The following SFSWAP variants were observed in gnomAD, a reference collection of about 807,000 sequenced individuals.
SFSWAP encodes splicing factor, suppressor of white-apricot homolog.
Under a neutral mutation model 100.7 loss-of-function variants are expected in SFSWAP, and 17 were observed. The ratio of observed to expected loss-of-function variants is 0.17; its 90% CI spans 0.12 to 0.25. The LOEUF is 0.25. SFSWAP is among the 10% of genes least tolerant of loss of function. The pLI is 1.00. For synonymous variants in SFSWAP, 504 were observed against 510.1 expected, an observed-to-expected ratio of 0.99 and a Z score of 0.16; for missense variants, 1,005 against 1,262.6, an observed-to-expected ratio of 0.80 and a Z score of 3.09.
intron 14 of SFSWAP, among the ~76,000 whole-genome samples, chr12:131,779,262 AGTGTGTGTGAAGAGG>A (rs1566051633): frequency 2.0e-4 from 30 of 148,112 alleles, no homozygotes; most frequent in Middle Eastern, 3.6e-3. Context: ...GGCGCGGGTG[AGTGTGTGTGAAGAGG>A]GCGGCGCGGG....
At chr12:131,798,016 T>G (rs1001882316) in intron 16 of SFSWAP, among the ~76,000 whole-genome samples, 2 of 152,228 alleles carry the variant, frequency 1.3e-5, no homozygotes, top group Admixed American at 1.3e-4. Flanking sequence ...TGAGATGGAT[T>G]AGAATCTAAG....
chr12:131,787,205 C>A (rs1884957156), intron 15 of SFSWAP, among the ~76,000 whole-genome samples: 1 of 152,178 alleles, frequency 6.6e-6, no homozygotes, highest in Non-Finnish European at 1.5e-5. Context: ...CTCTGACAGC[C>A]CAGGGTGCCA....
At chr12:131,775,974 T>C (rs1026620424) in intron 13 of SFSWAP, among the ~76,000 whole-genome samples, 18 of 150,138 alleles carry the variant, frequency 1.2e-4, no homozygotes, top group Non-Finnish European at 2.2e-4. Flanking sequence ...TGATGGCACA[T>C]GCCTGTAATC....
intron 13 of SFSWAP, among the ~76,000 whole-genome samples, chr12:131,772,877 G>C (rs1423088239): frequency 6.6e-6 from 1 of 152,184 alleles, no homozygotes; most frequent in South Asian, 2.1e-4. Context: ...TTATTGAGCT[G>C]TGGAAGTGGC....
intron 7 of SFSWAP, among the ~76,000 whole-genome samples, chr12:131,747,500 A>C (rs924196896): frequency 1.3e-5 from 2 of 152,216 alleles, no homozygotes; most frequent in Non-Finnish European, 1.5e-5. Context: ...CTTCCCAGAC[A>C]AGGGACTTAG....
Position 131,756,481 on chromosome 12 carries a change from T to C in SFSWAP, c.1557T>C (p.Ser519=). 6.2e-7 allele frequency: 1 copy of C among 1,613,910 alleles called. No individual in the cohort carries two copies. The highest frequency in any genetic ancestry group is 1.1e-5 in the South Asian group (1 of 91,066). The change falls in exon 11 of 18, where the codon TCT becomes TCC. Residue 519 remains serine (S), a synonymous_variant. Transcript: ENST00000261674. Reference sequence around the variant, plus strand: ...TGACATTTAATCTCTAGGCTGTGTCTGCACCAGAAGAGGCTCCCACAGACT... The same window carrying C: ...TGACATTTAATCTCTAGGCTGTGTCCGCACCAGAAGAGGCTCCCACAGACT... ...KEGGDSMQAV[S]APEEAPTDSA...
chr12:131,736,400 T>A (rs1367042825), intron 7 of SFSWAP, among the ~76,000 whole-genome samples: 76 of 152,154 alleles, frequency 5.0e-4, no homozygotes, highest in Non-Finnish European at 2.9e-5. Flanking sequence ...ATTAATTTTT[T>A]AAAAAATGAG....
intron 7 of SFSWAP, among the ~76,000 whole-genome samples, chr12:131,740,282 G>A (rs778883299): frequency 2.0e-5 from 3 of 152,134 alleles, no homozygotes; most frequent in Non-Finnish European, 2.9e-5. Context: ...TGCAGGGAAC[G>A]ATGCACCGAG....
At chr12:131,764,770 C>T in intron 12 of SFSWAP, 84 bp downstream of exon 12, 2 of 959,784 alleles carry the variant, frequency 2.1e-6, no homozygotes, top group South Asian at 3.3e-5. Context: ...AATCTCGAGG[C>T]TGCCAACTAG....
intron 11 of SFSWAP, among the ~76,000 whole-genome samples, chr12:131,759,991 A>G (rs1200141272): frequency 1.3e-5 from 2 of 152,232 alleles, no homozygotes; most frequent in East Asian, 3.8e-4. Flanking sequence ...CTTCTTTAGT[A>G]TAACACTAAT....
intron 8 of SFSWAP, 152 bp from the exon 9 acceptor site, chr12:131,754,216 G>T: frequency 2.3e-6 from 1 of 430,434 alleles, no homozygotes; most frequent in East Asian, 3.8e-5. Flanking sequence ...TTTCTGTCGT[G>T]TGCATCACCT....
intron 7 of SFSWAP, among the ~76,000 whole-genome samples, chr12:131,741,925 G>A (rs951415093): frequency 1.9e-4 from 29 of 152,022 alleles, no homozygotes; most frequent in African/African-American, 3.1e-4. Context: ...GTCTCATGCC[G>A]TCTGGTGCTC....
At chr12:131,744,454 T>G (rs995694006) in intron 7 of SFSWAP, among the ~76,000 whole-genome samples, 3 of 152,204 alleles carry the variant, frequency 2.0e-5, no homozygotes, top group Admixed American at 1.3e-4. Context: ...TGCCAAAACA[T>G]AAGAAGTCAC....
At chr12:131,785,343 C>G in intron 14 of SFSWAP, 1 of 982,270 alleles carries the variant, frequency 1.0e-6, no homozygotes, top group Non-Finnish European at 1.5e-6. Flanking sequence ...CTCCAGGATG[C>G]CGGGGTCTGA....
intron 7 of SFSWAP, 59 bp from the exon 8 acceptor site, chr12:131,753,064 G>A (rs1881799822): frequency 9.4e-6 from 15 of 1,597,212 alleles, no homozygotes; most frequent in Non-Finnish European, 1.2e-5. Flanking sequence ...GCTGCATTGT[G>A]GACTCATGGA....
intron 13 of SFSWAP, among the ~76,000 whole-genome samples, chr12:131,767,284 ACT>A (rs1392211119): frequency 5.3e-5 from 8 of 150,336 alleles, no homozygotes; most frequent in Admixed American, 1.3e-4. Flanking sequence ...ATCAGCAAAA[ACT>A]CTACTTTTTT....
At chr12:131,797,100 G>A in intron 15 of SFSWAP, 78 bp from the exon 16 acceptor site, 2 of 1,359,478 alleles carry the variant, frequency 1.5e-6, no homozygotes, top group Non-Finnish European at 2.0e-6. Flanking sequence ...CCAAAAACTG[G>A]CTCAGATCCG....
intron 7 of SFSWAP, among the ~76,000 whole-genome samples, chr12:131,738,656 T>C (rs1422780967): frequency 2.6e-5 from 4 of 152,198 alleles, no homozygotes; most frequent in Admixed American, 2.0e-4. Flanking sequence ...TTTAAAGCTG[T>C]GTATTTTTCC....
rs1460174351 is a variant in SFSWAP, at chr12:131,711,273, G to A, written c.44G>A (p.Ser15Asn). Residue 15 changes from serine (S) to asparagine (N), a missense_variant, in exon 1 of 18, where the codon AGC becomes AAC. Physicochemically the swap from Ser to Asn is conservative, Grantham distance 46. Coordinates refer to ENST00000261674, the MANE Select transcript of SFSWAP (RefSeq NM_004592.4). The surrounding 1 kb of genome is among the most constrained non-coding windows in gnomAD (Gnocchi z 4.9). ...GGCCGCGCCAAACCCGAGAGGAAAAGCGGCGCGAAGGAGGAGGCCGGGCCA... is the reference window on the plus strand; with the variant it reads ...GGCCGCGCCAAACCCGAGAGGAAAAACGGCGCGAAGGAGGAGGCCGGGCCA... ...SGGRAKPERKSGAKEEAGPGG... is the reference protein window; with the variant it reads ...SGGRAKPERKNGAKEEAGPGG... 1 of 1,611,894 alleles carries A rather than the reference G, an allele frequency of 6.2e-7. No individual in the cohort carries two copies. Among genetic ancestry groups the A allele is most frequent in the Non-Finnish European group, 8.5e-7 (1 of 1,179,460 alleles).
Sources: allele counts gnomAD v4.1 joint callset (sites outside exome capture counted in the v4.1 genomes callset), GRCh38; gene constraint gnomAD v4.1.1; non-coding constraint Gnocchi (gnomAD v3.1); transcripts MANE v1.5; gene names NCBI Gene and HGNC (gene_info 2026-07-23, HGNC 2026-07-21).